Variants in STAU2 observed in about 807,000 individuals in gnomAD.
The protein encoded by STAU2 is staufen double-stranded RNA binding protein 2, also known as double-stranded RNA-binding protein Staufen homolog 2.
Under a neutral mutation model 65.9 loss-of-function variants are expected in STAU2, and 20 were observed. The ratio of observed to expected loss-of-function variants is 0.30; its 90% CI spans 0.21 to 0.44. STAU2 has a LOEUF of 0.44. STAU2 is among the 20% of genes least tolerant of loss of function. The pLI is 1.00. For missense variants in STAU2, 558 were observed against 683.9 expected, an observed-to-expected ratio of 0.82 and a Z score of 2.05; for synonymous variants, 232 against 233.9, an observed-to-expected ratio of 0.99 and a Z score of 0.07.
At chr8:73,441,913 A>T (rs889545387) in intron 13 of STAU2, among the ~76,000 whole-genome samples, 5 of 152,238 alleles carry the variant, frequency 3.3e-5, no homozygotes, top group Non-Finnish European at 5.9e-5. Flanking sequence ...GACAAACTTT[A>T]ATATTTTTTT....
At chr8:73,478,827 C>G (rs556998276) in intron 13 of STAU2, among the ~76,000 whole-genome samples, 2 of 151,988 alleles carry the variant, frequency 1.3e-5, no homozygotes, top group African/African-American at 4.8e-5. Flanking sequence ...TAAGCCAAAG[C>G]CTATAGACAG....
At chr8:73,504,087 AAAATGCTATTTTGTCTCAGGTCATTTTT>A (rs1386657274) in intron 13 of STAU2, among the ~76,000 whole-genome samples, 1 of 152,184 alleles carries the variant, frequency 6.6e-6, no homozygotes, top group Non-Finnish European at 1.5e-5. Flanking sequence ...GCACACTTTG[AAAATGCTATTTTGTCTCAGGTCATTTTT>A]ACGCATATCC....
chr8:73,717,786 C>G (rs1303147884), intron 3 of STAU2, among the ~76,000 whole-genome samples: 1 of 141,804 alleles, frequency 7.1e-6, no homozygotes, highest in Non-Finnish European at 1.5e-5. Flanking sequence ...TTACGCCAAA[C>G]TATTTTACAG....
intron 9 of STAU2, among the ~76,000 whole-genome samples, chr8:73,608,710 C>A (rs987223812): frequency 1.3e-5 from 2 of 150,832 alleles, no homozygotes; most frequent in African/African-American, 4.9e-5. Context: ...AGAAGTTAAA[C>A]GTCGGGCGCA....
At chr8:73,725,520 G>C (rs1301895267) in intron 3 of STAU2, among the ~76,000 whole-genome samples, 1 of 152,236 alleles carries the variant, frequency 6.6e-6, no homozygotes, top group African/African-American at 2.4e-5. Context: ...AAATGGGCCA[G>C]GCATGGTGGC....
intron 9 of STAU2, among the ~76,000 whole-genome samples, chr8:73,605,842 TACACACACACACACAC>T (rs1176899097): frequency 0.013 from 1,513 of 118,404 alleles, 34 homozygotes; most frequent in African/African-American, 0.043. Flanking sequence ...CACATACACA[TACACACACACACACAC>T]ACACACACAC....
intron 13 of STAU2, among the ~76,000 whole-genome samples, chr8:73,480,733 T>C (rs1198239938): frequency 6.6e-6 from 1 of 152,110 alleles, no homozygotes. Context: ...TGCTATCAAA[T>C]AAACACGAAA....
intron 13 of STAU2, among the ~76,000 whole-genome samples, chr8:73,462,989 T>C (rs1228075840): frequency 6.6e-6 from 1 of 152,222 alleles, no homozygotes; most frequent in African/African-American, 2.4e-5. Context: ...GAAGAAGCAA[T>C]GGGAAAGCCC....
At chr8:73,424,949 T>C (rs946649308) in intron 13 of STAU2, among the ~76,000 whole-genome samples, 1 of 152,064 alleles carries the variant, frequency 6.6e-6, no homozygotes, top group Non-Finnish European at 1.5e-5. Context: ...CATAATCTCT[T>C]TGGACCTGGA....
At chr8:73,514,356 A>T (rs934090387) in intron 13 of STAU2, among the ~76,000 whole-genome samples, 2 of 152,288 alleles carry the variant, frequency 1.3e-5, no homozygotes, top group East Asian at 3.9e-4. Context: ...CACCAGCATA[A>T]TCACATCCCT....
In STAU2 at chr8:73,637,520, G is replaced by GAA. The variant is rs148462946; in HGVS notation, c.411-20071_411-20070dup. 4.2e-5 allele frequency among the ~76,000 whole-genome samples: 4 copies of GAA among 95,892 alleles called. 1 individual carries two copies. The highest frequency in any genetic ancestry group is 3.1e-4 in the South Asian group (1 of 3,220). The allele number at this position is 95,892 out of a possible 152,430, so 62.9% of individuals were successfully genotyped here. On this transcript the variant is annotated intron_variant, in intron 6 of 14. Coordinates refer to ENST00000524300, the MANE Select transcript of STAU2 (RefSeq NM_001164380.2). ...AAAAAAAAAAAGAAAAGAAAAAAAAGAAAAACTGTCAACTCCGAATTCTAT... is the reference window on the plus strand; with the variant it reads ...AAAAAAAAAAAGAAAAGAAAAAAAAGAAAAAAACTGTCAACTCCGAATTCTAT...
In STAU2 at chr8:73,649,292, G is replaced by A. The variant is rs563143467; in HGVS notation, c.410+23815C>T. ...ATCCAATAAGTGGCATTTTTCCAAC[G>A]TCTCATCACTTCATACAGATCATTA... On this transcript the variant is annotated intron_variant, in intron 6 of 14. Transcript: ENST00000524300. Among the ~76,000 whole-genome samples, 7 of 152,100 alleles carry A rather than the reference G, an allele frequency of 4.6e-5. No individual in the cohort carries two copies. In the East Asian group the frequency reaches 7.7e-4, roughly 17 times the overall value.
chr8:73,710,611 G>T (rs992911209), intron 3 of STAU2, among the ~76,000 whole-genome samples: 1 of 151,812 alleles, frequency 6.6e-6, no homozygotes, highest in South Asian at 2.1e-4. Context: ...AAACTATATC[G>T]CAAATACAAG....
chr8:73,622,056 T>C (rs1563463952), intron 6 of STAU2, among the ~76,000 whole-genome samples: 1 of 146,534 alleles, frequency 6.8e-6, no homozygotes, highest in African/African-American at 2.5e-5. Flanking sequence ...TCCCGGGTTC[T>C]CGCCATTCTC....
chr8:73,703,043 A>G (rs1402517823), intron 4 of STAU2, among the ~76,000 whole-genome samples: 1 of 152,238 alleles, frequency 6.6e-6, no homozygotes, highest in Non-Finnish European at 1.5e-5. Flanking sequence ...TTATTACCAA[A>G]GAAATAGAGA....
At chr8:73,549,404 G>A (rs1807160926) in intron 13 of STAU2, among the ~76,000 whole-genome samples, 1 of 152,164 alleles carries the variant, frequency 6.6e-6, no homozygotes, top group South Asian at 2.1e-4. Flanking sequence ...CTGAGAATGT[G>A]TAAGTGTTCG....
At chr8:73,549,736 A>T in intron 13 of STAU2, 2 of 985,842 alleles carry the variant, frequency 2.0e-6, no homozygotes, top group Non-Finnish European at 2.4e-6. Context: ...TTCAATAAGC[A>T]ACAGTATCTG....
intron 5 of STAU2, among the ~76,000 whole-genome samples, chr8:73,686,346 C>T (rs932631957): frequency 7.9e-5 from 12 of 151,804 alleles, no homozygotes; most frequent in Admixed American, 2.6e-4. Flanking sequence ...GTCAGGAGAT[C>T]GAGACCATCC....
intron 6 of STAU2, among the ~76,000 whole-genome samples, chr8:73,622,349 A>G (rs1431142189): frequency 2.0e-5 from 3 of 151,910 alleles, no homozygotes; most frequent in Admixed American, 6.6e-5. Context: ...GATCGTCTCA[A>G]TCTCCGACCT....
Sources: gnomAD v4.1 joint callset for allele counts (sites outside exome capture counted in the v4.1 genomes callset) on GRCh38, gnomAD v4.1.1 for gene constraint, MANE v1.5 for transcripts, NCBI Gene and HGNC (gene_info 2026-07-23, HGNC 2026-07-21) for gene names.